Variants in TAF11 observed in about 807,000 individuals in gnomAD.
TAF11 encodes transcription initiation factor TFIID subunit 11.
A neutral mutation model predicts 23.0 loss-of-function variants in TAF11; 10 were observed. The observed-to-expected ratio is 0.43, with a 90% CI of 0.27 to 0.74. The LOEUF (loss-of-function observed/expected upper bound fraction) is 0.74. Among genes scored for constraint, TAF11 ranks in the 30% least tolerant of loss-of-function variants. The pLI is 0.19. For missense variants in TAF11, 196 were observed against 261.7 expected (o/e 0.75, Z 1.73); for synonymous variants, 85 against 95.8 (o/e 0.89, Z 0.66).
At chr6:34,878,868 TA>T in intron 4 of TAF11, 148 bp from the exon 5 acceptor site, 1 of 665,714 alleles carries the variant, frequency 1.5e-6, no homozygotes, top group Non-Finnish European at 2.6e-6. Context: ...AATATTAGTA[TA>T]ACGTCTCATA....
Position 34,880,807 on chromosome 6 carries a change from A to G in TAF11, c.321-431T>C, listed in dbSNP as rs1766410572. Among the ~76,000 whole-genome samples, 1 of 152,380 alleles carries G rather than the reference A, an allele frequency of 6.6e-6. No homozygotes were observed. The highest frequency in any genetic ancestry group is 1.9e-4 in the East Asian group (1 of 5,196). ...TACTCCTAATGTATAATTCTTTCAA[A>G]TGAATAAAGGGGCCATGTCAATTTT... On this transcript the variant is annotated intron_variant, in intron 2 of 4. Transcript: ENST00000361288. The surrounding 1 kb of genome is among the most constrained non-coding windows in gnomAD (Gnocchi z 4.8).
At position 34,883,133 on chromosome 6, in the gene TAF11, G is replaced by A. The variant is rs951967281; in HGVS notation, c.172-53C>T. The A allele has an allele frequency of 4.5e-6, 7 of 1,559,334 alleles. No individual in the cohort carries two copies. The Admixed American group carries it at 1.4e-4, about 31-fold the overall frequency. On this transcript the variant is annotated intron_variant, in intron 1 of 4. Coordinates refer to ENST00000361288, the MANE Select transcript of TAF11 (RefSeq NM_005643.4). ...ATATTTGGCCTACTTTCCAGGCTTG[G>A]GCAAAGTAAGAAGACATCATCCTTA...
rs1766360581 is a variant in TAF11, at chr6:34,878,694, C to T, written c.532G>A (p.Glu178Lys). 2 of 1,614,056 alleles carry T rather than the reference C, an allele frequency of 1.2e-6. No homozygotes were observed. Among genetic ancestry groups the T allele is most frequent in the Non-Finnish European group, 1.7e-6 (2 of 1,179,972 alleles). ...TGTTTGGGTTGTAGTGGTGGCATTT[C>T]TCCCCACTTCTCACACACATCCAGT... The part of the protein sequence containing the change: ...EALDVCEKWG[E>K]MPPLQPKHMR... The change falls in exon 5 of 5, where the codon GAA becomes AAA. Residue 178 changes from glutamate (E) to lysine (K), a missense_variant. Physicochemically the swap from Glu to Lys is moderately conservative, Grantham distance 56. Transcript: ENST00000361288.
Position 34,880,557 on chromosome 6 carries a change from A to G in TAF11, c.321-181T>C, listed in dbSNP as rs1766405759. 6.6e-6 allele frequency among the ~76,000 whole-genome samples: 1 copy of G among 152,234 alleles called. No individual in the cohort carries two copies. Among genetic ancestry groups the G allele is most frequent in the South Asian group, 2.1e-4 (1 of 4,828 alleles). On this transcript the variant is annotated intron_variant, in intron 2 of 4. Transcript: ENST00000361288. This position sits in a 1 kb window ranked among gnomAD's most constrained non-coding sequence, Gnocchi z 4.8. Reference sequence around the variant, plus strand: ...ACTCCAAAGGAATTTGAGAAAACGTAAAACAAAAACTTCTTTTCTTACCTG... The same window carrying G: ...ACTCCAAAGGAATTTGAGAAAACGTGAAACAAAAACTTCTTTTCTTACCTG...
intron 1 of TAF11, among the ~76,000 whole-genome samples, chr6:34,884,122 C>A (rs760488309): frequency 5.3e-5 from 8 of 152,176 alleles, no homozygotes; most frequent in Non-Finnish European, 1.2e-4. Flanking sequence ...CACTTATGTT[C>A]ATTGCAGTGC....
Position 34,878,729 on chromosome 6 carries a change from A to C in TAF11, c.506-9T>G. ...CTCACACACATCCAGTGCTAAACAGAGGGTAAGGAGAAAGTCTGATTATCA... is the reference window on the plus strand; with the variant it reads ...CTCACACACATCCAGTGCTAAACAGCGGGTAAGGAGAAAGTCTGATTATCA... On this transcript the variant is annotated splice_polypyrimidine_tract_variant and intron_variant, in intron 4 of 4. Transcript: ENST00000361288. 8 of 1,612,670 alleles carry C rather than the reference A, an allele frequency of 5.0e-6. No individual in the cohort carries two copies. The highest frequency in any genetic ancestry group is 6.8e-6 in the Non-Finnish European group (8 of 1,178,846).
chr6:34,885,952 AC>A (rs897377373), intron 1 of TAF11, among the ~76,000 whole-genome samples: 4 of 151,730 alleles, frequency 2.6e-5, no homozygotes, highest in African/African-American at 9.7e-5. Flanking sequence ...AACTTGTGAA[AC>A]CTCAGCTCTA....
chr6:34,886,407 A>C (rs201388532), intron 1 of TAF11, among the ~76,000 whole-genome samples: 1 of 131,106 alleles, frequency 7.6e-6, no homozygotes, highest in Non-Finnish European at 1.6e-5. Context: ...AACAAAAAAC[A>C]AACAAAAAAC....
At chr6:34,879,415 A>T (rs1485655142) in intron 4 of TAF11, 2 of 963,280 alleles carry the variant, frequency 2.1e-6, no homozygotes, top group Non-Finnish European at 2.5e-6. Flanking sequence ...ATATTAAAAA[A>T]AATAATAAAG....
chr6:34,880,017 A>G lies in TAF11; in HGVS notation c.455T>C (p.Ile152Thr), dbSNP rs1766392783. Residue 152 changes from isoleucine to threonine, a missense_variant, in exon 4 of 5, where the codon ATT (isoleucine) becomes ACT (threonine). By Grantham distance (89) the Ile-to-Thr change is moderately conservative. Transcript: ENST00000361288. The surrounding 1 kb of genome is among the most constrained non-coding windows in gnomAD (Gnocchi z 4.8). Reference protein sequence around the residue: ...TGTSVSQNVVIAMSGISKVFV... With the variant: ...TGTSVSQNVVTAMSGISKVFV... ...AACCTTGGAAATACCAGACATAGCA[A>G]TAACAACATTCTGAGACACAGAGGT... 1 of 1,614,088 alleles carries G rather than the reference A, an allele frequency of 6.2e-7. No homozygotes were observed. The highest frequency in any genetic ancestry group is 8.5e-7 in the Non-Finnish European group (1 of 1,180,040).
intron 4 of TAF11, chr6:34,879,307 CAGG>C (rs1490760974): frequency 1.2e-6 from 1 of 842,726 alleles, no homozygotes. Context: ...CCTTTGAGCC[CAGG>C]AGTTTGAGGT....
At position 34,887,874 on chromosome 6, in the gene TAF11, C is replaced by G; in HGVS notation, c.84G>C (p.Pro28=). Residue 28 remains proline, a synonymous_variant, in exon 1 of 5, where the codon CCG becomes CCC. Coordinates refer to ENST00000361288, the MANE Select transcript of TAF11 (RefSeq NM_005643.4). ...GGATTCCATCGGTGTCGGTAGCCCC[C>G]GGGTCCCCGGGCACAGCGGCCGTCT... ...SDETAAVPGD[P]GATDTDGIPE... 6.2e-7 allele frequency: 1 copy of G among 1,614,192 alleles called. No homozygotes were observed. Among genetic ancestry groups the G allele is most frequent in the Non-Finnish European group, 8.5e-7 (1 of 1,180,042 alleles).
chr6:34,883,810 T>A (rs959635101), intron 1 of TAF11, among the ~76,000 whole-genome samples: 2 of 152,044 alleles, frequency 1.3e-5, no homozygotes, highest in African/African-American at 4.8e-5. Flanking sequence ...AACAATCATG[T>A]GAAAAAAAGG....
rs1027502506 is a variant in TAF11 at position 34,885,533 on chromosome 6, T to C, written c.171+2254A>G. ...ACTTTTAAGAGTTCATATTTTTCTT[T>C]GTGGTCTGGTACATGATCGATTTTT... On this transcript the variant is annotated intron_variant, in intron 1 of 4. Coordinates refer to ENST00000361288, the MANE Select transcript of TAF11 (RefSeq NM_005643.4). Among the ~76,000 whole-genome samples the C allele has an allele frequency of 2.0e-5, 3 of 152,342 alleles. No homozygotes were observed. In the East Asian group the frequency reaches 5.8e-4, roughly 29 times the overall value.
intron 2 of TAF11, 117 bp downstream of exon 2, chr6:34,882,815 A>C (rs1292968882): frequency 7.9e-7 from 1 of 1,260,208 alleles, no homozygotes; most frequent in Non-Finnish European, 1.1e-6. Context: ...ATAATGTATT[A>C]ATCGTTTTAT....
chr6:34,879,529 T>A (rs1299175164), intron 4 of TAF11: 131 of 970,432 alleles, frequency 1.3e-4, no homozygotes, highest in Middle Eastern at 1.1e-3. Flanking sequence ...AAAAAAAAAA[T>A]TTCACCAGCT....
Position 34,879,996 on chromosome 6 carries a change from T to C in TAF11, c.476A>G (p.Lys159Arg), listed in dbSNP as rs1447205676. ...TTCTACCACCTCCCCGACGAAAACC[T>C]TGGAAATACCAGACATAGCAATAAC... ...NVVIAMSGIS[K>R]VFVGEVVEEA... The change falls in exon 4 of 5, where the codon AAG becomes AGG. Residue 159 changes from lysine (K) to arginine (R), a missense_variant. Lys to Arg is a conservative substitution (Grantham distance 26). Transcript: ENST00000361288. The C allele has an allele frequency of 6.2e-7, 1 of 1,614,074 alleles. No individual in the cohort carries two copies. The highest frequency in any genetic ancestry group is 1.1e-5 in the South Asian group (1 of 91,070).
At chr6:34,884,537 C>T (rs1257845802) in intron 1 of TAF11, among the ~76,000 whole-genome samples, 1 of 152,150 alleles carries the variant, frequency 6.6e-6, no homozygotes, top group African/African-American at 2.4e-5. Flanking sequence ...CTATGACACA[C>T]ATTTACTTAT....
chr6:34,880,714 TCAAAC>T lies in TAF11; in HGVS notation c.321-343_321-339del, dbSNP rs1314269234. 6.6e-6 allele frequency among the ~76,000 whole-genome samples: 1 copy of T among 152,184 alleles called. No homozygotes were observed. The highest frequency in any genetic ancestry group is 1.5e-5 in the Non-Finnish European group (1 of 68,028). ...AAAAATTTAATATACAAATTTATAA[TCAAAC>T]CAGTAGTTTTCAACATTAACAGATT... On this transcript the variant is annotated intron_variant, in intron 2 of 4. Coordinates refer to ENST00000361288, the MANE Select transcript of TAF11 (RefSeq NM_005643.4). The surrounding 1 kb of genome is among the most constrained non-coding windows in gnomAD (Gnocchi z 4.8).
Sources: allele counts gnomAD v4.1 joint callset (sites outside exome capture counted in the v4.1 genomes callset), GRCh38; gene constraint gnomAD v4.1.1; non-coding constraint Gnocchi (gnomAD v3.1); transcripts MANE v1.5; gene names NCBI Gene and HGNC (gene_info 2026-07-23, HGNC 2026-07-21).